The following SYNE2 variants were observed in gnomAD, a reference collection of about 807,000 sequenced individuals.
SYNE2 encodes spectrin repeat containing nuclear envelope protein 2.
In SYNE2, 431 loss-of-function variants were observed where a neutral mutation model predicts 856.3. That is an observed-to-expected ratio of 0.50 (90% CI 0.47 to 0.55). The LOEUF (loss-of-function observed/expected upper bound fraction) is 0.55. Ranked by LOEUF, SYNE2 falls within the 20% of genes least tolerant of loss-of-function variation. SYNE2 has a pLI of 0.00. For missense variants in SYNE2, 8,129 were observed against 8,023.2 expected, an observed-to-expected ratio of 1.01 and a Z score of -0.50; for synonymous variants, 2,923 against 2,872.3, an observed-to-expected ratio of 1.02 and a Z score of -0.56.
intron 8 of SYNE2, among the ~76,000 whole-genome samples, chr14:63,955,470 A>T (rs1028266770): frequency 1.9e-4 from 29 of 152,218 alleles, no homozygotes; most frequent in Non-Finnish European, 3.2e-4. Flanking sequence ...AAGATTTAAA[A>T]ATTTTACTTC....
At chr14:63,874,583 G>A (rs1186674050) in intron 1 of SYNE2, among the ~76,000 whole-genome samples, 1 of 152,178 alleles carries the variant, frequency 6.6e-6, no homozygotes, top group Non-Finnish European at 1.5e-5. Context: ...GAACTTTAGA[G>A]TTAAGAATGT....
Position 64,143,906 on chromosome 14 carries a change from G to C in SYNE2, c.15441G>C (p.Met5147Ile). 6.2e-7 allele frequency: 1 copy of C among 1,614,168 alleles called. No individual in the cohort carries two copies. Among genetic ancestry groups the C allele is most frequent in the Non-Finnish European group, 8.5e-7 (1 of 1,179,996 alleles). Reference protein sequence around the residue: ...RTEFAEHLGEMNRQWHRVHGM... With the variant: ...RTEFAEHLGEINRQWHRVHGM... Reference sequence around the variant, plus strand: ...AGTTTGCAGAGCACCTGGGGGAGATGAACCGCCAGTGGCACCGTGTACATG... The same window carrying C: ...AGTTTGCAGAGCACCTGGGGGAGATCAACCGCCAGTGGCACCGTGTACATG... Residue 5147 changes from methionine to isoleucine, a missense_variant, in exon 83 of 116, where the codon ATG becomes ATC. Transcript: ENST00000555002.
intron 6 of SYNE2, among the ~76,000 whole-genome samples, chr14:63,944,453 A>T (rs1203517157): frequency 6.7e-6 from 1 of 149,316 alleles, no homozygotes; most frequent in Non-Finnish European, 1.5e-5. Context: ...AATCTTAATT[A>T]TTTCCACAGG....
chr14:64,130,377 T>C (rs1347169412), intron 76 of SYNE2, 129 bp downstream of exon 76: 4 of 874,056 alleles, frequency 4.6e-6, no homozygotes, highest in Non-Finnish European at 7.3e-6. Flanking sequence ...TTAATAAACA[T>C]CTATTAGAAT....
chr14:63,884,787 G>A (rs187149384), intron 1 of SYNE2, among the ~76,000 whole-genome samples: 1 of 151,908 alleles, frequency 6.6e-6, no homozygotes, highest in Admixed American at 6.6e-5. Flanking sequence ...GCAGTTGATA[G>A]GAAGCCTTTG....
chr14:64,150,002 C>CT (rs2098225136), intron 84 of SYNE2, among the ~76,000 whole-genome samples: 3 of 120,348 alleles, frequency 2.5e-5, no homozygotes, highest in Non-Finnish European at 3.4e-5. Context: ...TTTTTTTTTT[C>CT]TTTTCTTTTT....
intron 1 of SYNE2, among the ~76,000 whole-genome samples, chr14:63,891,790 AGAAAGAAT>A: frequency 6.6e-6 from 1 of 152,142 alleles, no homozygotes; most frequent in South Asian, 2.1e-4. Flanking sequence ...ACAGTTAAAG[AGAAAGAAT>A]GGGTCCCGGC....
rs2097211670 is a variant in SYNE2, at chr14:64,049,818, C to T, written c.7585C>T (p.Leu2529Phe). The T allele has an allele frequency of 1.2e-6, 2 of 1,614,082 alleles. No individual in the cohort carries two copies. Among genetic ancestry groups the T allele is most frequent in the African/African-American group, 2.7e-5 (2 of 75,012 alleles). Reference protein sequence around the residue: ...YCVLRDFQEYLAAVESSMKAL... With the variant: ...YCVLRDFQEYFAAVESSMKAL... ...TGTCCTCAGAGATTTTCAGGAATAC[C>T]TTGCTGCAGTTGAATCTTCAATGAA... The change falls in exon 47 of 116, where the codon CTT becomes TTT. Residue 2529 changes from leucine (L) to phenylalanine (F), a missense_variant. This residue lies in a region of SYNE2 where 5,410 missense variants were observed against 5,284.8 expected (regional missense o/e 1.02). Transcript: ENST00000555002.
intron 32 of SYNE2, among the ~76,000 whole-genome samples, chr14:64,014,974 T>TATATAC (rs1434593932): frequency 1.5e-4 from 13 of 84,880 alleles, no homozygotes; most frequent in South Asian, 1.3e-3. Flanking sequence ...TATATATATA[T>TATATAC]ACACACACAC....
intron 6 of SYNE2, among the ~76,000 whole-genome samples, chr14:63,943,633 A>G (rs2095961734): frequency 6.6e-6 from 1 of 151,220 alleles, no homozygotes; most frequent in South Asian, 2.1e-4. Flanking sequence ...CTTAAATTGT[A>G]TCTGTGTTTT....
intron 54 of SYNE2, among the ~76,000 whole-genome samples, chr14:64,076,889 C>T (rs1255959): frequency 0.78 from 118,124 of 151,924 alleles, 46,959 homozygotes; most frequent in Non-Finnish European, 0.87. Context: ...ATGTAAAAAA[C>T]ATGTAAACTC....
chr14:63,974,852 ATGTGTGTGTG>A (rs1289413090), intron 11 of SYNE2, among the ~76,000 whole-genome samples: 19 of 78,970 alleles, frequency 2.4e-4, no homozygotes, highest in East Asian at 1.1e-3. Flanking sequence ...GTGTGTGTAC[ATGTGTGTGTG>A]TGTGTGTGTG....
At chr14:63,831,007 A>C (rs557428200) in intron 1 of SYNE2, among the ~76,000 whole-genome samples, 1 of 151,772 alleles carries the variant, frequency 6.6e-6, no homozygotes, top group East Asian at 1.9e-4. Context: ...TGCCCGGCTA[A>C]TTTTTGTATT....
At chr14:63,965,244 TG>T (rs1355389826) in intron 10 of SYNE2, among the ~76,000 whole-genome samples, 1 of 152,190 alleles carries the variant, frequency 6.6e-6, no homozygotes, top group Non-Finnish European at 1.5e-5. Flanking sequence ...ATTTCAGGTG[TG>T]AGCCACCACA....
At chr14:63,783,155 C>G (rs1595105549) in intron 1 of SYNE2, among the ~76,000 whole-genome samples, 2 of 152,252 alleles carry the variant, frequency 1.3e-5, no homozygotes, top group South Asian at 4.2e-4. Context: ...GAGCAGTTCT[C>G]CCATGCTATT....
intron 1 of SYNE2, among the ~76,000 whole-genome samples, chr14:63,766,227 T>C (rs1283538725): frequency 6.6e-6 from 1 of 151,938 alleles, no homozygotes; most frequent in African/African-American, 2.4e-5. Context: ...TACAGGTTCC[T>C]GCTATCACAC....
chr14:64,225,916 T>G lies in SYNE2; in HGVS notation c.*390T>G. 7.4e-6 allele frequency: 3 copies of G among 405,638 alleles called. No homozygotes were observed. The highest frequency in any genetic ancestry group is 8.9e-6 in the Non-Finnish European group (2 of 224,068). The allele number at this position is 405,638 out of a possible 1,614,324, so 25.1% of individuals were successfully genotyped here. A position where few individuals can be genotyped will look rare whatever the true frequency, so the allele number is the denominator to read the frequency against. ...TATATTATAGAAGCAAGCGAGGACA[T>G]TCCACCCTAGAAATGGTTCAGAAAC... is the stretch of plus-strand genomic sequence containing the variant. On this transcript the variant is annotated 3_prime_UTR_variant, in exon 116 of 116. Transcript: ENST00000555002.
Position 63,826,292 on chromosome 14 carries a change from G to A in SYNE2, c.-304-26209G>A, listed in dbSNP as rs531363041. On this transcript the variant is annotated intron_variant, in intron 1 of 23. Coordinates refer to the SYNE2 transcript ENST00000674003. ...GACAAGCATGCCAAAAAAATCAGTA[G>A]AAAAACAATAGTCTTTTCTTTTTTT... Among the ~76,000 whole-genome samples, 184 of 152,074 alleles carry A rather than the reference G, an allele frequency of 1.2e-3. 1 individual carries two copies. Among genetic ancestry groups the A allele is most frequent in the Admixed American group, 4.2e-3 (64 of 15,252 alleles).
intron 1 of SYNE2, among the ~76,000 whole-genome samples, chr14:63,763,078 C>T (rs1226636695): frequency 6.6e-6 from 1 of 152,174 alleles, no homozygotes; most frequent in African/African-American, 2.4e-5. Flanking sequence ...AGAAATTCTC[C>T]TGTCTCAGCC....
Sources: allele counts gnomAD v4.1 joint callset (sites outside exome capture counted in the v4.1 genomes callset), GRCh38; gene constraint gnomAD v4.1.1; regional missense constraint gnomAD v4.1.1; transcripts MANE v1.5; gene names NCBI Gene and HGNC (gene_info 2026-07-23, HGNC 2026-07-21).